Variants in CNTN4 observed in about 807,000 individuals in gnomAD.
CNTN4 encodes contactin 4.
Under a neutral mutation model 122.5 loss-of-function variants are expected in CNTN4, and 77 were observed. The ratio of observed to expected loss-of-function variants is 0.63; its 90% CI spans 0.52 to 0.76. CNTN4 has a LOEUF of 0.76. Ranked by LOEUF, CNTN4 falls within the 30% of genes least tolerant of loss-of-function variation. CNTN4 has a pLI of 0.00. For synonymous variants in CNTN4, 512 were observed against 447.0 expected (o/e 1.15, Z -1.83); for missense variants, 1,256 against 1,259.1 (o/e 1.00, Z 0.04).
intron 2 of CNTN4, among the ~76,000 whole-genome samples, chr3:2,106,332 G>T (rs952521381): frequency 2.0e-5 from 3 of 152,202 alleles, no homozygotes; most frequent in African/African-American, 7.2e-5. Context: ...CTTCCGCACT[G>T]CCCTAACAGA....
chr3:2,591,444 A>C lies in CNTN4; in HGVS notation c.55+19886A>C, dbSNP rs1371884446. Among the ~76,000 whole-genome samples the C allele has an allele frequency of 3.0e-4, 13 of 43,260 alleles. 4 individuals carry two copies. Among genetic ancestry groups the C allele is most frequent in the African/African-American group, 1.1e-3 (13 of 12,344 alleles). 28.4% of individuals were successfully genotyped at this position (43,260 alleles called of 152,430 possible). On this transcript the variant is annotated intron_variant, in intron 4 of 24. Coordinates refer to ENST00000418658, the MANE Select transcript of CNTN4 (RefSeq NM_175607.3). ...CAGTGGCGGGATCTCGGCTCACTGC[A>C]AGCTCCGCCTCCCGGGTTCACGCCA...
intron 2 of CNTN4, among the ~76,000 whole-genome samples, chr3:2,295,267 T>C (rs1288629530): frequency 1.4e-5 from 2 of 142,616 alleles, no homozygotes; most frequent in African/African-American, 5.4e-5. Flanking sequence ...ACTTCCACAA[T>C]GGTTGAACTA....
intron 14 of CNTN4, among the ~76,000 whole-genome samples, chr3:3,024,031 A>G (rs1698510705): frequency 6.6e-6 from 1 of 152,180 alleles, no homozygotes; most frequent in African/African-American, 2.4e-5. Context: ...TAAAGTGCTT[A>G]ACAGTGCTAA....
intron 3 of CNTN4, among the ~76,000 whole-genome samples, chr3:2,484,356 G>A (rs529750111): frequency 6.6e-6 from 1 of 152,302 alleles, no homozygotes; most frequent in African/African-American, 2.4e-5. Flanking sequence ...ATTGCTCAAT[G>A]TAAAAATAAC....
At chr3:2,836,849 G>A (rs368005298) in intron 7 of CNTN4, among the ~76,000 whole-genome samples, 2 of 152,084 alleles carry the variant, frequency 1.3e-5, no homozygotes, top group South Asian at 2.1e-4. Flanking sequence ...AAACCATCAT[G>A]GCACATATAT....
chr3:3,011,620 C>G (rs1697236426), intron 14 of CNTN4, among the ~76,000 whole-genome samples: 1 of 152,152 alleles, frequency 6.6e-6, no homozygotes, highest in Admixed American at 6.5e-5. Context: ...CCTTATGATA[C>G]TTTCACTAGC....
At chr3:2,383,053 T>A (rs1272164833) in intron 3 of CNTN4, among the ~76,000 whole-genome samples, 1 of 150,456 alleles carries the variant, frequency 6.6e-6, no homozygotes, top group Non-Finnish European at 1.5e-5. Flanking sequence ...CCAGCCTGGG[T>A]GACAACAGCG....
At chr3:2,766,110 CT>C (rs1371924167) in intron 6 of CNTN4, among the ~76,000 whole-genome samples, 3 of 152,172 alleles carry the variant, frequency 2.0e-5, no homozygotes, top group Admixed American at 2.0e-4. Flanking sequence ...ATAGGGCTTC[CT>C]TTGGGGGTTT....
Position 2,573,035 on chromosome 3 carries a change from C to G in CNTN4, c.55+1477C>G, listed in dbSNP as rs368425047. Reference sequence around the variant, plus strand: ...TTAACTATGAATATTAATATTATGACTGAAGCATCAGGAAGTTAAGAAACT... The same window carrying G: ...TTAACTATGAATATTAATATTATGAGTGAAGCATCAGGAAGTTAAGAAACT... On this transcript the variant is annotated intron_variant, in intron 4 of 24. Transcript: ENST00000418658. Among the ~76,000 whole-genome samples the G allele has an allele frequency of 4.6e-5, 7 of 152,174 alleles. No individual in the cohort carries two copies. In the East Asian group the frequency reaches 9.7e-4, roughly 21 times the overall value.
intron 2 of CNTN4, among the ~76,000 whole-genome samples, chr3:2,178,980 C>A (rs2036885060): frequency 6.6e-6 from 1 of 151,996 alleles, no homozygotes; most frequent in Non-Finnish European, 1.5e-5. Context: ...ATGATCTAAT[C>A]TTACTTATTC....
intron 4 of CNTN4, among the ~76,000 whole-genome samples, chr3:2,683,894 C>T (rs1012029520): frequency 1.3e-5 from 2 of 152,056 alleles, no homozygotes; most frequent in Non-Finnish European, 2.9e-5. Flanking sequence ...CTTAAACCTA[C>T]CAAAAAAGAG....
chr3:2,485,196 G>C (rs1253221004), intron 3 of CNTN4, among the ~76,000 whole-genome samples: 1 of 152,236 alleles, frequency 6.6e-6, no homozygotes, highest in East Asian at 1.9e-4. Context: ...CTCCCCCTGT[G>C]GCTGTGGGCT....
chr3:2,431,637 C>G (rs1238572178), intron 3 of CNTN4, among the ~76,000 whole-genome samples: 1 of 152,170 alleles, frequency 6.6e-6, no homozygotes, highest in East Asian at 1.9e-4. Context: ...GTGTCAGTCA[C>G]TATGCTTGCC....
intron 4 of CNTN4, among the ~76,000 whole-genome samples, chr3:2,698,361 C>T (rs2086163174): frequency 6.6e-6 from 1 of 151,990 alleles, no homozygotes; most frequent in Non-Finnish European, 1.5e-5. Flanking sequence ...TGTGTTGTAC[C>T]TGAGTCTGGA....
chr3:2,295,603 G>A (rs185622738), intron 2 of CNTN4, among the ~76,000 whole-genome samples: 15,617 of 151,982 alleles, frequency 0.1, 830 homozygotes, highest in Non-Finnish European at 0.12. Flanking sequence ...AGTAGGTTGC[G>A]AAAATTTTCT....
intron 6 of CNTN4, among the ~76,000 whole-genome samples, chr3:2,780,817 T>G (rs1361223025): frequency 6.6e-6 from 1 of 152,248 alleles, no homozygotes; most frequent in African/African-American, 2.4e-5. Context: ...AAAGTTGTGA[T>G]GCTGTTGGTC....
At chr3:2,738,750 A>G (rs183940100) in intron 5 of CNTN4, among the ~76,000 whole-genome samples, 1 of 152,170 alleles carries the variant, frequency 6.6e-6, no homozygotes, top group Non-Finnish European at 1.5e-5. Context: ...CGCAGCATAC[A>G]CAAAAATCAA....
chr3:2,565,951 G>A (rs2149456688), intron 3 of CNTN4, among the ~76,000 whole-genome samples: 1 of 152,312 alleles, frequency 6.6e-6, no homozygotes, highest in Middle Eastern at 3.4e-3. Flanking sequence ...GAAAGCAAAT[G>A]TTTATGTTGT....
intron 4 of CNTN4, among the ~76,000 whole-genome samples, chr3:2,575,882 T>C (rs890053307): frequency 7.2e-6 from 1 of 138,550 alleles, no homozygotes; most frequent in Non-Finnish European, 1.5e-5. Context: ...AGTGCAGGGG[T>C]GTGATCTCGG....
Sources: gnomAD v4.1 joint callset for allele counts (sites outside exome capture counted in the v4.1 genomes callset) on GRCh38, gnomAD v4.1.1 for gene constraint, MANE v1.5 for transcripts, NCBI Gene and HGNC (gene_info 2026-07-23, HGNC 2026-07-21) for gene names.